Variants in MYH9 observed in about 807,000 individuals in gnomAD.
MYH9 encodes the protein myosin-9.
A neutral mutation model predicts 241.9 loss-of-function variants in MYH9; 29 were observed. The ratio of observed to expected loss-of-function variants is 0.12; its 90% confidence interval spans 0.09 to 0.16. The LOEUF is 0.16. Among genes scored for constraint, MYH9 ranks in the 10% least tolerant of loss-of-function variants. The pLI is 1.00. For missense variants in MYH9, 1,803 were observed against 2,595.5 expected, an observed-to-expected ratio of 0.69 and a Z score of 6.63; for synonymous variants, 1,047 against 1,062.6, an observed-to-expected ratio of 0.99 and a Z score of 0.29.
intron 20 of MYH9, among the ~76,000 whole-genome samples, chr22:36,301,936 C>T (rs1429279728): frequency 6.6e-6 from 1 of 152,108 alleles, no homozygotes; most frequent in East Asian, 1.9e-4. Context: ...GAGGAAGGAC[C>T]CATCTCTGAA....
chr22:36,296,239 CTT>C (rs1052076206), intron 25 of MYH9, among the ~76,000 whole-genome samples: 9 of 152,022 alleles, frequency 5.9e-5, no homozygotes, highest in Non-Finnish European at 8.8e-5. Flanking sequence ...AATAAAGTCT[CTT>C]TCTTTTTTTT....
intron 9 of MYH9, 166 bp from the exon 10 acceptor site, chr22:36,319,801 T>TG (rs2017221181): frequency 2.7e-6 from 2 of 729,738 alleles, no homozygotes; most frequent in Non-Finnish European, 4.7e-6. Flanking sequence ...CGGTGTGCGG[T>TG]GGGCCCAGCC....
chr22:36,345,511 C>T (rs925645073), intron 2 of MYH9, among the ~76,000 whole-genome samples: 1 of 152,070 alleles, frequency 6.6e-6, no homozygotes, highest in Non-Finnish European at 1.5e-5. Context: ...GTGGGTGTGA[C>T]ATAAGCTATA....
chr22:36,287,820 G>A (rs368197385), intron 34 of MYH9, among the ~76,000 whole-genome samples: 8 of 152,208 alleles, frequency 5.3e-5, no homozygotes, highest in Non-Finnish European at 8.8e-5. Context: ...CTGTTTTTAC[G>A]TGTTAATTAT....
intron 15 of MYH9, 33 bp downstream of exon 15, chr22:36,309,249 G>A (rs758987428): frequency 5.7e-6 from 9 of 1,572,594 alleles, no homozygotes; most frequent in Non-Finnish European, 7.9e-6. Flanking sequence ...CCGCAGCCAA[G>A]AGGAGGCAGG....
At position 36,291,900 on chromosome 22, in the gene MYH9, C is replaced by A. The variant is rs1252356971; in HGVS notation, c.4344+86G>T. On this transcript the variant is annotated intron_variant, in intron 31 of 40. Coordinates refer to ENST00000216181, the MANE Select transcript of MYH9 (RefSeq NM_002473.6). ...CCTCCCCGGCGAGACCCTGAGGGAG[C>A]CCAGGCTTTCTCTGATGGGCCCTTT... The A allele has an allele frequency of 5.6e-6, 9 of 1,602,396 alleles. No individual in the cohort carries two copies. The East Asian group carries it at 1.8e-4, about 32-fold the overall frequency.
chr22:36,367,811 A>G (rs1338941003), intron 1 of MYH9, among the ~76,000 whole-genome samples: 1 of 152,358 alleles, frequency 6.6e-6, no homozygotes, highest in Admixed American at 6.5e-5. Context: ...GAGAGCTGCC[A>G]GATTTGGGCC....
chr22:36,300,284 C>G lies in MYH9; in HGVS notation c.2839-20G>C, dbSNP rs200750183. On this transcript the variant is annotated intron_variant, in intron 22 of 40. Coordinates refer to ENST00000216181, the MANE Select transcript of MYH9 (RefSeq NM_002473.6). The surrounding 1 kb of genome is among the most constrained non-coding windows in gnomAD (Gnocchi z 5.0). ...AAGCTCCTGCCGGGGGCCAGAGACACGGTAAGGACAGCAGGCCCAGAGGCA... is the reference window on the plus strand; with the variant it reads ...AAGCTCCTGCCGGGGGCCAGAGACAGGGTAAGGACAGCAGGCCCAGAGGCA... 6.8e-6 allele frequency: 11 copies of G among 1,611,528 alleles called. No homozygotes were observed. The highest frequency in any genetic ancestry group is 9.3e-6 in the Non-Finnish European group (11 of 1,180,014).
intron 1 of MYH9, among the ~76,000 whole-genome samples, chr22:36,351,662 C>A (rs1176073680): frequency 6.6e-6 from 1 of 152,118 alleles, no homozygotes; most frequent in Non-Finnish European, 1.5e-5. Context: ...CAAAGTCTCC[C>A]CATCGCGCCC....
chr22:36,327,431 G>C (rs770292870), intron 4 of MYH9, 30 bp downstream of exon 4: 1 of 1,613,478 alleles, frequency 6.2e-7, no homozygotes, highest in Non-Finnish European at 8.5e-7. Context: ...GGGGTGAAAC[G>C]AACCACTACC....
At chr22:36,284,546 C>T (rs1421746676) in intron 38 of MYH9, 35 bp from the exon 39 acceptor site, 2 of 1,600,182 alleles carry the variant, frequency 1.2e-6, no homozygotes, top group Non-Finnish European at 1.7e-6. Context: ...GAGGGAACAC[C>T]CTCCTTCAGA....
rs1381285189 is a variant in MYH9, at chr22:36,300,642, G to A, written c.2838+209C>T. Among the ~76,000 whole-genome samples the A allele has an allele frequency of 2.0e-5, 3 of 152,198 alleles. No individual in the cohort carries two copies. The East Asian group carries it at 5.8e-4, about 29-fold the overall frequency. The stretch of plus-strand genomic sequence containing the variant: ...GGAAATCAAATTGGCCTTGATGCTG[G>A]CCCAGGCAGTGCTCATGGAGATCTC... On this transcript the variant is annotated intron_variant, in intron 22 of 40. Coordinates refer to ENST00000216181, the MANE Select transcript of MYH9 (RefSeq NM_002473.6). The surrounding 1 kb of genome is among the most constrained non-coding windows in gnomAD (Gnocchi z 5.0).
At chr22:36,302,795 G>A (rs1218162109) in intron 19 of MYH9, 119 bp from the exon 20 acceptor site, 7 of 796,134 alleles carry the variant, frequency 8.8e-6, no homozygotes, top group Non-Finnish European at 1.5e-5. Context: ...CCTCAAGAAA[G>A]AAATTCAGGG....
rs1291895423 is a variant in MYH9 at position 36,330,106 on chromosome 22, G to C, written c.491-2618C>G. The stretch of plus-strand genomic sequence containing the variant: ...TTCCGAAACCCCAGAGCCAAATTCA[G>C]TGTCTCCTCTCCATCCACCCGAGCG... On this transcript the variant is annotated intron_variant, in intron 3 of 40. Transcript: ENST00000216181. This position sits in a 1 kb window ranked among gnomAD's most constrained non-coding sequence, Gnocchi z 4.5. 6.6e-6 allele frequency among the ~76,000 whole-genome samples: 1 copy of C among 152,226 alleles called. No homozygotes were observed. The highest frequency in any genetic ancestry group is 1.5e-5 in the Non-Finnish European group (1 of 68,038).
Position 36,330,741 on chromosome 22 carries a change from TTTTGGCTCGAGTCCTTA to T in MYH9, c.491-3270_491-3254del, listed in dbSNP as rs2017408292. On this transcript the variant is annotated intron_variant, in intron 3 of 40. Coordinates refer to ENST00000216181, the MANE Select transcript of MYH9 (RefSeq NM_002473.6). The surrounding 1 kb of genome is among the most constrained non-coding windows in gnomAD (Gnocchi z 4.5). ...TTCAGAGTCCGGCCCAATCTGCTTG[TTTTGGCTCGAGTCCTTA>T]TTTGGCCTGTAAGGACTGAAGGCTT... Among the ~76,000 whole-genome samples the T allele has an allele frequency of 6.6e-6, 1 of 152,034 alleles. No individual in the cohort carries two copies. Among genetic ancestry groups the T allele is most frequent in the South Asian group, 2.1e-4 (1 of 4,828 alleles).
At position 36,281,625 on chromosome 22, in the gene MYH9, AC is replaced by A. The variant is rs1442753573; in HGVS notation, c.*1042del. On this transcript the variant is annotated 3_prime_UTR_variant, in exon 41 of 41. Transcript: ENST00000216181. ...GTGAGGACGAGCTACTCTCTTCTAA[AC>A]AAAGGCAGTGAGAAAGACTCGGAAT... is the stretch of plus-strand genomic sequence containing the variant. The A allele has an allele frequency of 1.7e-5, 4 of 230,728 alleles. No homozygotes were observed. The highest frequency in any genetic ancestry group is 3.4e-5 in the Non-Finnish European group (4 of 116,272). The allele number at this position is 230,728 out of a possible 1,614,324, so 14.3% of individuals were successfully genotyped here.
chr22:36,317,645 A>C (rs113002988), intron 11 of MYH9, among the ~76,000 whole-genome samples: 7 of 152,242 alleles, frequency 4.6e-5, no homozygotes, highest in Admixed American at 1.3e-4. Context: ...CCAGCACCAT[A>C]AAAGAAACTA....
intron 2 of MYH9, among the ~76,000 whole-genome samples, chr22:36,345,129 G>A (rs758799176): frequency 7.2e-5 from 11 of 152,036 alleles, no homozygotes; most frequent in Non-Finnish European, 1.2e-4. Flanking sequence ...TGGCTAACAC[G>A]GTGAAACCCC....
intron 5 of MYH9, among the ~76,000 whole-genome samples, chr22:36,326,024 C>T (rs2017330660): frequency 6.6e-6 from 1 of 152,198 alleles, no homozygotes; most frequent in Non-Finnish European, 1.5e-5. Context: ...TGCAGCTCAC[C>T]TAGCGAGGAC....
Sources: gnomAD v4.1 joint callset for allele counts (sites outside exome capture counted in the v4.1 genomes callset) on GRCh38, gnomAD v4.1.1 for gene constraint, Gnocchi (gnomAD v3.1) non-coding constraint, MANE v1.5 for transcripts, NCBI Gene and HGNC (gene_info 2026-07-23, HGNC 2026-07-21) for gene names.